Variants in ANKRD62 observed in about 807,000 individuals in gnomAD.
ANKRD62 encodes ankyrin repeat domain-containing protein 62.
In ANKRD62, 61 loss-of-function variants were observed where a neutral mutation model predicts 98.8. The ratio of observed to expected loss-of-function variants is 0.62; its 90% CI spans 0.50 to 0.76. The LOEUF is 0.76. Ranked by LOEUF, ANKRD62 falls within the 30% of genes least tolerant of loss-of-function variation. ANKRD62 has a pLI of 0.00. For synonymous variants in ANKRD62, 341 were observed against 367.9 expected, an observed-to-expected ratio of 0.93 and a Z score of 0.84; for missense variants, 933 against 1,082.9, an observed-to-expected ratio of 0.86 and a Z score of 1.94.
the ANKRD62 span, among the ~76,000 whole-genome samples, chr18:12,159,803 T>C: frequency 6.6e-6 from 1 of 152,216 alleles, no homozygotes; most frequent in Non-Finnish European, 1.5e-5. Context: ...CTTATTATTT[T>C]TTACCATAAG....
At chr18:12,163,776 T>C in the ANKRD62 span, among the ~76,000 whole-genome samples, 1 of 152,066 alleles carries the variant, frequency 6.6e-6, no homozygotes, top group Non-Finnish European at 1.5e-5. Context: ...AATGATCATA[T>C]GGTTTTTGTC....
chr18:12,135,377 AT>A, the ANKRD62 span, among the ~76,000 whole-genome samples: 1 of 150,630 alleles, frequency 6.6e-6, no homozygotes, highest in Admixed American at 6.6e-5. Context: ...TGAACTCATC[AT>A]TTTTTATGGC....
chr18:12,125,545 T>C lies in ANKRD62; in HGVS notation c.1724T>C (p.Ile575Thr), dbSNP rs1401685042. The C allele has an allele frequency of 2.6e-6, 4 of 1,522,582 alleles. No homozygotes were observed. In the African/African-American group the frequency reaches 4.2e-5, roughly 16 times the overall value. The allele number at this position is 1,522,582 out of a possible 1,614,324, so 94.3% of individuals were successfully genotyped here. A position where few individuals can be genotyped will look rare whatever the true frequency, so the allele number is the denominator to read the frequency against. Residue 575 changes from isoleucine to threonine, a missense_variant, in exon 13 of 14, where the codon ATA becomes ACA. Ile to Thr is a moderately conservative substitution (Grantham distance 89). This residue lies in a region of ANKRD62 where 362 missense variants were observed against 434.5 expected (regional missense o/e 0.83). Transcript: ENST00000587848. ...RDEIARLRLE[I>T]DTIKHQNQET... ...GAAATTGCCAGACTCAGGCTGGAAATAGACACAATAAAACATCAGAACCAG... is the reference window on the plus strand; with the variant it reads ...GAAATTGCCAGACTCAGGCTGGAAACAGACACAATAAAACATCAGAACCAG...
In ANKRD62 at chr18:12,099,568, T is replaced by G. The variant is rs546541348; in HGVS notation, c.753-47T>G. 1.6e-3 allele frequency: 1,973 copies of G among 1,198,282 alleles called. 6 individuals carry two copies. Among genetic ancestry groups the G allele is most frequent in the South Asian group, 4.8e-3 (263 of 54,878 alleles). 74.2% of individuals were successfully genotyped at this position (1,198,282 alleles called of 1,614,324 possible). On this transcript the variant is annotated intron_variant, in intron 5 of 13. Coordinates refer to ENST00000587848, the MANE Select transcript of ANKRD62 (RefSeq NM_001277333.2). ...TTAATGTATTTGGTAAAGTTTTTCA[T>G]ATCAGTATTAAAATAGTAATTGTAT...
At chr18:12,131,296 T>C (rs1329003343), downstream of ANKRD62, among the ~76,000 whole-genome samples, 1 of 152,200 alleles carries the variant, frequency 6.6e-6, no homozygotes, top group Non-Finnish European at 1.5e-5. Flanking sequence ...GATGAAGGTA[T>C]GTTGCCAAAA....
At chr18:12,158,504 T>C in the ANKRD62 span, among the ~76,000 whole-genome samples, 1 of 151,142 alleles carries the variant, frequency 6.6e-6, no homozygotes, top group African/African-American at 2.4e-5. Context: ...CCCTACAAAA[T>C]TGCTTTAGAA....
chr18:12,127,611 G>A (rs1909920083), intron 13 of ANKRD62, 137 bp from the exon 14 acceptor site: 2 of 567,038 alleles, frequency 3.5e-6, no homozygotes, highest in Admixed American at 4.0e-5. Context: ...AAACAGGAAT[G>A]TGTACACATG....
intron 10 of ANKRD62, among the ~76,000 whole-genome samples, chr18:12,119,906 A>G (rs76166506): frequency 0.017 from 2,564 of 151,944 alleles, 74 homozygotes; most frequent in African/African-American, 0.059. Context: ...TTTCATTTTT[A>G]TTCAGTTCAA....
chr18:12,154,737 G>C, the ANKRD62 span, among the ~76,000 whole-genome samples: 1 of 152,156 alleles, frequency 6.6e-6, no homozygotes, highest in Admixed American at 6.5e-5. Context: ...AGCAGTGACC[G>C]ATTGGCCAAA....
chr18:12,122,440 C>G lies in ANKRD62; in HGVS notation c.1378C>G (p.Leu460Val). Residue 460 changes from leucine to valine, a missense_variant, in exon 11 of 14, where the codon CTA becomes GTA. By Grantham distance (32) the Leu-to-Val change is conservative. Coordinates refer to ENST00000587848, the MANE Select transcript of ANKRD62 (RefSeq NM_001277333.2). ...KNNISVLQKVLSETDKTKSQS... is the reference protein window; with the variant it reads ...KNNISVLQKVVSETDKTKSQS... ...TAATATTAGCGTACTACAAAAGGTACTATCTGAAACAGACAAAACCAAATC... is the reference window on the plus strand; with the variant it reads ...TAATATTAGCGTACTACAAAAGGTAGTATCTGAAACAGACAAAACCAAATC... 1 of 1,535,378 alleles carries G rather than the reference C, an allele frequency of 6.5e-7. No homozygotes were observed. The highest frequency in any genetic ancestry group is 2.5e-5 in the East Asian group (1 of 40,812).
chr18:12,112,110 TCAAA>T (rs1461359243), intron 8 of ANKRD62, among the ~76,000 whole-genome samples: 3 of 81,870 alleles, frequency 3.7e-5, no homozygotes, highest in Non-Finnish European at 4.3e-5. Flanking sequence ...AGACTCCAAC[TCAAA>T]AAAAAAAAAA....
At chr18:12,156,236 A>G in the ANKRD62 span, among the ~76,000 whole-genome samples, 1 of 152,194 alleles carries the variant, frequency 6.6e-6, no homozygotes, top group South Asian at 2.1e-4. Context: ...TTGCAGAACC[A>G]TAAACCAAAT....
downstream of ANKRD62, among the ~76,000 whole-genome samples, chr18:12,133,138 G>A (rs1910030576): frequency 6.6e-6 from 1 of 151,974 alleles, no homozygotes; most frequent in South Asian, 2.1e-4. Flanking sequence ...ATTTACCTAT[G>A]CTGGGTATAT....
At chr18:12,099,440 C>G (rs1423916530) in intron 5 of ANKRD62, among the ~76,000 whole-genome samples, 175 bp from the exon 6 acceptor site, 1 of 152,130 alleles carries the variant, frequency 6.6e-6, no homozygotes, top group African/African-American at 2.4e-5. Flanking sequence ...TCACTTCATA[C>G]TTTTTTCTTC....
At chr18:12,157,872 C>T in the ANKRD62 span, among the ~76,000 whole-genome samples, 2 of 152,194 alleles carry the variant, frequency 1.3e-5, no homozygotes, top group Non-Finnish European at 2.9e-5. Context: ...TGCCAGTGGC[C>T]AGGGATGTCA....
At chr18:12,160,430 A>G in the ANKRD62 span, among the ~76,000 whole-genome samples, 1 of 152,136 alleles carries the variant, frequency 6.6e-6, no homozygotes, top group Non-Finnish European at 1.5e-5. Flanking sequence ...AATGTCTTTG[A>G]TAATGCCTCC....
chr18:12,135,595 C>T, the ANKRD62 span, among the ~76,000 whole-genome samples: 5 of 151,002 alleles, frequency 3.3e-5, no homozygotes, highest in African/African-American at 1.2e-4. Context: ...ATTTCTAGTT[C>T]TAGATCCCTG....
chr18:12,138,041 C>T, the ANKRD62 span, among the ~76,000 whole-genome samples: 54 of 151,854 alleles, frequency 3.6e-4, no homozygotes, highest in Non-Finnish European at 7.1e-4. Flanking sequence ...GTGTCTCTAT[C>T]TCCTTCAGTT....
At chr18:12,138,016 T>C in the ANKRD62 span, among the ~76,000 whole-genome samples, 1 of 152,322 alleles carries the variant, frequency 6.6e-6, no homozygotes, top group East Asian at 1.9e-4. Flanking sequence ...TCATTGATTT[T>C]TTGAAGGGTT....
Sources: gnomAD v4.1 joint callset for allele counts (sites outside exome capture counted in the v4.1 genomes callset) on GRCh38, gnomAD v4.1.1 for gene constraint, gnomAD v4.1.1 regional missense constraint, MANE v1.5 for transcripts, NCBI Gene and HGNC (gene_info 2026-07-23, HGNC 2026-07-21) for gene names.